Variants in DPP6 observed in about 807,000 individuals in gnomAD.
DPP6 encodes the protein dipeptidyl peptidase like 6.
A neutral mutation model predicts 122.6 loss-of-function variants in DPP6; 69 were observed. That is an observed-to-expected ratio of 0.56 (90% CI 0.46 to 0.69). The LOEUF is 0.69. Among genes scored for constraint, DPP6 ranks in the 30% least tolerant of loss-of-function variants. DPP6 has a pLI of 0.00. For missense variants in DPP6, 928 were observed against 1,116.9 expected (o/e 0.83, Z 2.41); for synonymous variants, 418 against 433.1 (o/e 0.97, Z 0.43).
intron 1 of DPP6, among the ~76,000 whole-genome samples, chr7:153,984,461 C>T (rs1796745454): frequency 6.6e-6 from 1 of 152,188 alleles, no homozygotes; most frequent in African/African-American, 2.4e-5. Context: ...AACTTTTTTT[C>T]TTCCCTTGCA....
At chr7:154,719,211 C>T (rs1841667995) in intron 7 of DPP6, among the ~76,000 whole-genome samples, 1 of 152,146 alleles carries the variant, frequency 6.6e-6, no homozygotes, top group South Asian at 2.1e-4. Context: ...GCTTCCTACA[C>T]TTGGATGTTA....
intron 3 of DPP6, among the ~76,000 whole-genome samples, chr7:154,513,576 G>A (rs1340251553): frequency 1.3e-5 from 2 of 152,146 alleles, no homozygotes; most frequent in Non-Finnish European, 2.9e-5. Flanking sequence ...TAGGGGTGAA[G>A]CAAGGACTCA....
chr7:154,734,074 G>A (rs1050493904), intron 8 of DPP6, among the ~76,000 whole-genome samples: 32 of 152,340 alleles, frequency 2.1e-4, no homozygotes, highest in African/African-American at 5.5e-4. Flanking sequence ...ACGGTTCGAC[G>A]CAGATGAAGA....
At chr7:154,654,326 A>G (rs919677949) in intron 6 of DPP6, among the ~76,000 whole-genome samples, 2 of 151,768 alleles carry the variant, frequency 1.3e-5, no homozygotes, top group Non-Finnish European at 2.9e-5. Flanking sequence ...CACATCTGTC[A>G]CTAATATTTT....
At chr7:154,517,788 A>C (rs1826644394) in intron 3 of DPP6, among the ~76,000 whole-genome samples, 1 of 152,208 alleles carries the variant, frequency 6.6e-6, no homozygotes. Context: ...CAAAACAAAA[A>C]CGAGAAAAAA....
intron 1 of DPP6, among the ~76,000 whole-genome samples, chr7:154,167,156 TG>T (rs1373413080): frequency 6.6e-6 from 1 of 152,016 alleles, no homozygotes; most frequent in Non-Finnish European, 1.5e-5. Context: ...CATTTTATCT[TG>T]GTCTCAGGCT....
At chr7:154,304,912 C>T (rs1417802363) in intron 1 of DPP6, among the ~76,000 whole-genome samples, 6 of 152,176 alleles carry the variant, frequency 3.9e-5, no homozygotes, top group Non-Finnish European at 4.4e-5. Flanking sequence ...GTGGGGGCCG[C>T]AGGTTCAGAC....
At chr7:153,917,870 T>C (rs561952286) in intron 1 of DPP6, among the ~76,000 whole-genome samples, 1 of 152,260 alleles carries the variant, frequency 6.6e-6, no homozygotes, top group East Asian at 1.9e-4. Context: ...TGAAAGAAAA[T>C]GTTTCAGAGA....
At chr7:154,620,198 T>C (rs4960608) in intron 5 of DPP6, among the ~76,000 whole-genome samples, 91,975 of 152,004 alleles carry the variant, frequency 0.61, 27,952 homozygotes, top group South Asian at 0.77. Context: ...TTTTTAACTC[T>C]GGGAAAATGT....
chr7:153,908,740 A>C (rs1300483715), intron 1 of DPP6, among the ~76,000 whole-genome samples: 1 of 152,056 alleles, frequency 6.6e-6, no homozygotes, highest in Admixed American at 6.6e-5. Flanking sequence ...GAATGGTCAC[A>C]TGTTGAATTT....
intron 7 of DPP6, among the ~76,000 whole-genome samples, chr7:154,716,041 C>G (rs1563134358): frequency 6.6e-6 from 1 of 152,210 alleles, no homozygotes; most frequent in Non-Finnish European, 1.5e-5. Flanking sequence ...CCTGTAGATT[C>G]TGAATCCTAA....
At chr7:154,248,115 C>A (rs575482649) in intron 1 of DPP6, among the ~76,000 whole-genome samples, 6 of 152,214 alleles carry the variant, frequency 3.9e-5, no homozygotes, top group African/African-American at 1.4e-4. Flanking sequence ...CAAGAGAGCT[C>A]TCTGGGGCCC....
At chr7:153,869,435 T>C in the DPP6 span, among the ~76,000 whole-genome samples, 1 of 152,254 alleles carries the variant, frequency 6.6e-6, no homozygotes, top group African/African-American at 2.4e-5. Context: ...TTGATCTTTG[T>C]TGGTTTAAAG....
chr7:154,425,551 C>T (rs988572943), intron 1 of DPP6, among the ~76,000 whole-genome samples: 1 of 151,206 alleles, frequency 6.6e-6, no homozygotes, highest in African/African-American at 2.4e-5. Context: ...GTGTGGTGGC[C>T]TCAGGGGAAT....
chr7:154,263,800 C>T (rs1268561443), intron 1 of DPP6, among the ~76,000 whole-genome samples: 2 of 152,148 alleles, frequency 1.3e-5, no homozygotes, highest in South Asian at 2.1e-4. Context: ...AAGTGATTCT[C>T]CTGCCTCAGC....
At chr7:154,011,605 A>G (rs1332186649) in intron 1 of DPP6, among the ~76,000 whole-genome samples, 5 of 152,208 alleles carry the variant, frequency 3.3e-5, no homozygotes, top group Admixed American at 6.5e-5. Context: ...TCAATTTTGC[A>G]TATTATTATT....
At chr7:154,453,161 T>C (rs1288044828) in intron 2 of DPP6, among the ~76,000 whole-genome samples, 1 of 152,156 alleles carries the variant, frequency 6.6e-6, no homozygotes, top group Non-Finnish European at 1.5e-5. Context: ...CAGGATCGGA[T>C]TTGCATGAAA....
chr7:154,727,497 G>A lies in DPP6; in HGVS notation c.763-270G>A, dbSNP rs139071682. On this transcript the variant is annotated intron_variant, in intron 7 of 25. Transcript: ENST00000377770. ...AAATCCAAACCATATCAGATTTTAAGTAGCTAGAAGTATCAGACCACAAAT... is the reference window on the plus strand; with the variant it reads ...AAATCCAAACCATATCAGATTTTAAATAGCTAGAAGTATCAGACCACAAAT... Among the ~76,000 whole-genome samples, 29 of 152,318 alleles carry A rather than the reference G, an allele frequency of 1.9e-4. 1 individual carries two copies. In the East Asian group the frequency reaches 5.6e-3, roughly 29 times the overall value.
chr7:154,368,549 C>CATTGTTCT (rs1258048663), intron 1 of DPP6, among the ~76,000 whole-genome samples: 1 of 152,192 alleles, frequency 6.6e-6, no homozygotes. Flanking sequence ...ACTGTTTTTG[C>CATTGTTCT]ATTGTTCTAG....
Sources: allele counts gnomAD v4.1 joint callset (sites outside exome capture counted in the v4.1 genomes callset), GRCh38; gene constraint gnomAD v4.1.1; transcripts MANE v1.5; gene names NCBI Gene and HGNC (gene_info 2026-07-23, HGNC 2026-07-21).